Variants in ADAMTS6 observed in about 807,000 individuals in gnomAD.
ADAMTS6 encodes A disintegrin and metalloproteinase with thrombospondin motifs 6.
A neutral mutation model predicts 144.3 loss-of-function variants in ADAMTS6; 23 were observed. The ratio of observed to expected loss-of-function variants is 0.16; its 90% confidence interval spans 0.11 to 0.23. ADAMTS6 has a LOEUF of 0.23. Among genes scored for constraint, ADAMTS6 ranks in the 10% least tolerant of loss-of-function variants. The probability of loss-of-function intolerance (pLI) is 1.00; values close to 1 mark genes in which losing one functional copy is unlikely to be tolerated. For missense variants in ADAMTS6, 999 were observed against 1,379.6 expected (o/e 0.72, Z 4.37); for synonymous variants, 444 against 457.5 (o/e 0.97, Z 0.38).
rs1761206489 is a variant in ADAMTS6 at position 65,481,527 on chromosome 5, C to T, written c.-464G>A. The T allele has an allele frequency of 1.3e-5, 2 of 151,706 alleles. No homozygotes were observed. The highest frequency in any genetic ancestry group is 4.2e-4 in the South Asian group (2 of 4,806). 9.4% of individuals were successfully genotyped at this position (151,706 alleles called of 1,614,324 possible). ...GCCAGAATAAAACCCTATGGTCTGG[C>T]TAACCCGGGCTTTAGAGAACTGACT... is the stretch of plus-strand genomic sequence containing the variant. On this transcript the variant is annotated 5_prime_UTR_variant, in exon 1 of 25. Coordinates refer to ENST00000381055, the MANE Select transcript of ADAMTS6 (RefSeq NM_197941.4).
chr5:65,170,658 C>T lies in ADAMTS6; in HGVS notation c.3203G>A (p.Cys1068Tyr). The T allele has an allele frequency of 6.2e-7, 1 of 1,614,144 alleles. No homozygotes were observed. ...ETVRPPSMQQ[C>Y]ESKCDSTPIS... ...GGGGGTACTGTCACATTTGCTTTCA[C>T]ACTGCTGCATTGATGGAGGCCGAAC... Residue 1068 changes from cysteine (C) to tyrosine (Y), a missense_variant, in exon 24 of 25, where the codon TGT becomes TAT. Transcript: ENST00000381055.
intron 14 of ADAMTS6, among the ~76,000 whole-genome samples, chr5:65,242,610 C>T (rs1759288687): frequency 6.6e-6 from 1 of 152,066 alleles, no homozygotes; most frequent in South Asian, 2.1e-4. Context: ...TTTAAAAAAT[C>T]AAGAAGCAGG....
At chr5:65,409,212 C>T (rs1754840307) in intron 7 of ADAMTS6, among the ~76,000 whole-genome samples, 1 of 151,134 alleles carries the variant, frequency 6.6e-6, no homozygotes, top group Admixed American at 6.6e-5. Flanking sequence ...AATTCAGGAG[C>T]TGGTTTTTTT....
chr5:65,364,248 G>A (rs1434099499), intron 7 of ADAMTS6, among the ~76,000 whole-genome samples: 1 of 152,184 alleles, frequency 6.6e-6, no homozygotes, highest in African/African-American at 2.4e-5. Flanking sequence ...TGGAGAAACT[G>A]CAGCTGTGAC....
chr5:65,208,113 A>C (rs1233819958), intron 20 of ADAMTS6, among the ~76,000 whole-genome samples: 2 of 152,184 alleles, frequency 1.3e-5, no homozygotes, highest in Non-Finnish European at 2.9e-5. Context: ...ACTCATTCCT[A>C]AGTCTCATAA....
intron 15 of ADAMTS6, among the ~76,000 whole-genome samples, chr5:65,236,485 C>T (rs887658402): frequency 5.9e-5 from 9 of 152,086 alleles, no homozygotes; most frequent in African/African-American, 1.7e-4. Context: ...CAAGGTCTCA[C>T]TATGTTGCCC....
At chr5:65,462,532 C>T (rs1393830947) in intron 3 of ADAMTS6, among the ~76,000 whole-genome samples, 1 of 152,196 alleles carries the variant, frequency 6.6e-6, no homozygotes, top group East Asian at 1.9e-4. Flanking sequence ...AACTGTTCCA[C>T]TTTGTAGATG....
chr5:65,467,342 C>T (rs941877116), intron 3 of ADAMTS6, among the ~76,000 whole-genome samples: 6 of 151,188 alleles, frequency 4.0e-5, no homozygotes, highest in Non-Finnish European at 8.8e-5. Context: ...TTAAAAGCAC[C>T]CATCAAATAC....
intron 12 of ADAMTS6, among the ~76,000 whole-genome samples, chr5:65,265,467 T>A (rs1761541000): frequency 6.6e-6 from 1 of 151,972 alleles, no homozygotes; most frequent in Non-Finnish European, 1.5e-5. Flanking sequence ...TAATCTCCAG[T>A]TTTGTGGTTT....
At chr5:65,319,102 G>A (rs1170127414) in intron 9 of ADAMTS6, among the ~76,000 whole-genome samples, 1 of 151,910 alleles carries the variant, frequency 6.6e-6, no homozygotes, top group African/African-American at 2.4e-5. Flanking sequence ...TTCAATATTA[G>A]AAAGATTAAA....
chr5:65,189,850 C>A (rs1033282329), intron 21 of ADAMTS6, among the ~76,000 whole-genome samples: 2 of 152,162 alleles, frequency 1.3e-5, no homozygotes, highest in Non-Finnish European at 2.9e-5. Flanking sequence ...GTTACAAGCA[C>A]GGGATCACAA....
chr5:65,160,653 A>ACTTT (rs1554039695), intron 24 of ADAMTS6, among the ~76,000 whole-genome samples: 1 of 126,044 alleles, frequency 7.9e-6, no homozygotes, highest in African/African-American at 3.0e-5. Context: ...TCTTTCCTCC[A>ACTTT]TTTTTTTTTT....
At chr5:65,339,218 T>C (rs72760546) in intron 7 of ADAMTS6, among the ~76,000 whole-genome samples, 7,207 of 152,188 alleles carry the variant, frequency 0.047, 215 homozygotes, top group East Asian at 0.11. Flanking sequence ...TCAGCCAAGG[T>C]CACTGAGAAA....
intron 1 of ADAMTS6, among the ~76,000 whole-genome samples, chr5:65,477,763 A>ATTT (rs201927162): frequency 0.043 from 6,120 of 141,864 alleles, 454 homozygotes; most frequent in African/African-American, 0.15. Flanking sequence ...CCCTCCCCAC[A>ATTT]TTTTTTTTTT....
rs961149522 is a variant in ADAMTS6, at chr5:65,197,029, G to A, written c.2698C>T (p.Pro900Ser). ...NQRACNTEPC[P>S]PEWFIGDWLE... ...TTTCTTTCCCTTACTTACTCAGGTG[G>A]GCAGGGCTCAGTGTTGCAGGCTCTT... The change falls in exon 21 of 25, where the codon CCA becomes TCA. Residue 900 changes from proline (P) to serine (S), a missense_variant. By Grantham distance (74) the Pro-to-Ser change is moderately conservative. Transcript: ENST00000381055. 1 of 1,612,058 alleles carries A rather than the reference G, an allele frequency of 6.2e-7. No individual in the cohort carries two copies.
At chr5:65,407,571 G>GAGTGAGAACA (rs1288097485) in intron 7 of ADAMTS6, among the ~76,000 whole-genome samples, 1 of 138,074 alleles carries the variant, frequency 7.2e-6, no homozygotes, top group East Asian at 2.2e-4. Flanking sequence ...TCCCACCTAT[G>GAGTGAGAACA]AGTGAGAACA....
At chr5:65,329,334 A>C (rs768812124) in intron 9 of ADAMTS6, 44 bp downstream of exon 9, 1 of 1,579,402 alleles carries the variant, frequency 6.3e-7, no homozygotes, top group Admixed American at 1.7e-5. Flanking sequence ...GTTGCTCAAG[A>C]GCAGAGTTCT....
chr5:65,151,720 T>C lies in ADAMTS6; in HGVS notation c.*116A>G, dbSNP rs530636375. The stretch of plus-strand genomic sequence containing the variant: ...CAGCTAGGGCTGACCAGTGGTTACG[T>C]TTTCCACAGGGTAATGCATTTGCAA... On this transcript the variant is annotated 3_prime_UTR_variant, in exon 25 of 25. Transcript: ENST00000381055. 52 of 875,094 alleles carry C rather than the reference T, an allele frequency of 5.9e-5. No individual in the cohort carries two copies. In the African/African-American group the frequency reaches 8.0e-4, roughly 14 times the overall value. The allele number at this position is 875,094 out of a possible 1,614,324, so 54.2% of individuals were successfully genotyped here. A position where few individuals can be genotyped will look rare whatever the true frequency, so the allele number is the denominator to read the frequency against.
At chr5:65,194,910 A>G (rs1755238994) in intron 21 of ADAMTS6, among the ~76,000 whole-genome samples, 1 of 152,222 alleles carries the variant, frequency 6.6e-6, no homozygotes, top group South Asian at 2.1e-4. Context: ...CAAACCTCCA[A>G]TGTAATACTC....
Sources: allele counts gnomAD v4.1 joint callset (sites outside exome capture counted in the v4.1 genomes callset), GRCh38; gene constraint gnomAD v4.1.1; transcripts MANE v1.5; gene names NCBI Gene and HGNC (gene_info 2026-07-23, HGNC 2026-07-21).